HS3ST5: variants seen among roughly 807,000 people sequenced by gnomAD.
The protein encoded by HS3ST5 is heparan sulfate-glucosamine 3-sulfotransferase 5.
A neutral mutation model predicts 25.4 loss-of-function variants in HS3ST5; 10 were observed. The ratio of observed to expected loss-of-function variants is 0.39; its 90% confidence interval spans 0.24 to 0.67. The LOEUF (loss-of-function observed/expected upper bound fraction) is 0.67. Ranked by LOEUF, HS3ST5 falls within the 30% of genes least tolerant of loss-of-function variation. HS3ST5 has a pLI of 0.44. For synonymous variants in HS3ST5, 170 were observed against 162.4 expected, an observed-to-expected ratio of 1.05 and a Z score of -0.36; for missense variants, 324 against 420.7, an observed-to-expected ratio of 0.77 and a Z score of 2.01.
intron 3 of HS3ST5, among the ~76,000 whole-genome samples, chr6:114,134,429 C>T (rs532661438): frequency 6.6e-5 from 10 of 152,142 alleles, no homozygotes; most frequent in Non-Finnish European, 1.5e-4. Context: ...CTGGTTGAAA[C>T]CCCATTTTGG....
chr6:114,239,647 G>A (rs1562248906), intron 1 of HS3ST5, among the ~76,000 whole-genome samples: 4 of 152,260 alleles, frequency 2.6e-5, no homozygotes, highest in South Asian at 4.1e-4. Context: ...GTTTTCTGCA[G>A]TTGGATGCAG....
At position 114,062,808 on chromosome 6, in the gene HS3ST5, A is replaced by G; in HGVS notation, c.38T>C (p.Leu13Pro). Residue 13 changes from leucine to proline, a missense_variant, in exon 4 of 5, where the codon CTC becomes CCC. Physicochemically the swap from Leu to Pro is moderately conservative, Grantham distance 98. This residue lies in a region of HS3ST5 where 121 missense variants were observed against 117.3 expected (regional missense o/e 1.03). Transcript: ENST00000312719. Reference sequence around the variant, plus strand: ...AACGGCAAGGCTTCCCAGCACCAGGAGCTTCTGTCTCAGCCACGCCTGCTG... The same window carrying G: ...AACGGCAAGGCTTCCCAGCACCAGGGGCTTCTGTCTCAGCCACGCCTGCTG... ...FKQQAWLRQK[L>P]LVLGSLAVGS... 6.2e-7 allele frequency: 1 copy of G among 1,614,036 alleles called. No individual in the cohort carries two copies. Among genetic ancestry groups the G allele is most frequent in the Non-Finnish European group, 8.5e-7 (1 of 1,179,970 alleles).
intron 3 of HS3ST5, among the ~76,000 whole-genome samples, chr6:114,101,121 T>C (rs1299636017): frequency 6.6e-6 from 1 of 152,178 alleles, no homozygotes; most frequent in Non-Finnish European, 1.5e-5. Flanking sequence ...GTATTGGCAG[T>C]CTCGATTAAA....
chr6:114,255,116 T>C (rs1216837780), intron 1 of HS3ST5, among the ~76,000 whole-genome samples: 1 of 152,182 alleles, frequency 6.6e-6, no homozygotes, highest in East Asian at 1.9e-4. Flanking sequence ...ACCTGCTAGA[T>C]ACAGTGGGGG....
At chr6:114,187,265 T>A (rs1009408785) in intron 2 of HS3ST5, among the ~76,000 whole-genome samples, 6 of 152,360 alleles carry the variant, frequency 3.9e-5, no homozygotes, top group Admixed American at 3.9e-4. Context: ...CTGATGAATC[T>A]GGGCAAAATA....
At chr6:114,075,957 A>G (rs1582570408) in intron 3 of HS3ST5, among the ~76,000 whole-genome samples, 1 of 152,174 alleles carries the variant, frequency 6.6e-6, no homozygotes, top group East Asian at 1.9e-4. Context: ...CCTAAGAACA[A>G]TAACCATAGC....
intron 1 of HS3ST5, among the ~76,000 whole-genome samples, chr6:114,326,531 C>T (rs1212104713): frequency 6.6e-6 from 1 of 152,164 alleles, no homozygotes; most frequent in African/African-American, 2.4e-5. Context: ...AATTTATGAA[C>T]TAGCACAGTA....
chr6:114,214,107 TAA>T (rs992706622), intron 2 of HS3ST5, among the ~76,000 whole-genome samples: 2 of 152,222 alleles, frequency 1.3e-5, no homozygotes, highest in African/African-American at 4.8e-5. Context: ...CCAACTGAAG[TAA>T]AGCTTTCTTT....
chr6:114,197,511 G>A (rs1174290317), intron 2 of HS3ST5, among the ~76,000 whole-genome samples: 1 of 152,002 alleles, frequency 6.6e-6, no homozygotes, highest in East Asian at 1.9e-4. Flanking sequence ...TTCTGGGGTA[G>A]ATATGCAGGT....
At chr6:114,243,168 A>G (rs937129556) in intron 1 of HS3ST5, among the ~76,000 whole-genome samples, 1 of 152,234 alleles carries the variant, frequency 6.6e-6, no homozygotes, top group African/African-American at 2.4e-5. Context: ...ATAACTCCTC[A>G]GCCTATCCCA....
intron 4 of HS3ST5, chr6:114,058,861 C>T (rs548299187): frequency 6.6e-6 from 1 of 152,308 alleles, no homozygotes; most frequent in African/African-American, 2.4e-5. Flanking sequence ...GATTATATAT[C>T]CACTTTGCTG....
At chr6:114,186,513 G>A (rs1159593405) in intron 2 of HS3ST5, among the ~76,000 whole-genome samples, 5 of 152,140 alleles carry the variant, frequency 3.3e-5, no homozygotes, top group Admixed American at 6.5e-5. Flanking sequence ...GCTGAGAGAC[G>A]TGAAGAAGCT....
At chr6:114,341,347 AAGCGG>A (rs1440030832) in intron 1 of HS3ST5, among the ~76,000 whole-genome samples, 1 of 151,434 alleles carries the variant, frequency 6.6e-6, no homozygotes, top group Non-Finnish European at 1.5e-5. Context: ...TGAAGTAGGG[AAGCGG>A]AAGAGTAGAG....
intron 3 of HS3ST5, among the ~76,000 whole-genome samples, chr6:114,069,669 C>T (rs1431975396): frequency 1.3e-5 from 2 of 152,120 alleles, no homozygotes; most frequent in South Asian, 2.1e-4. Context: ...AGGCACACAC[C>T]GCCATGCCCA....
intron 3 of HS3ST5, among the ~76,000 whole-genome samples, chr6:114,071,386 C>T (rs1773817139): frequency 6.6e-6 from 1 of 152,146 alleles, no homozygotes; most frequent in African/African-American, 2.4e-5. Context: ...CTCTCAGATT[C>T]CTTGGGAAAG....
At chr6:114,294,441 CT>C (rs57443813) in intron 1 of HS3ST5, among the ~76,000 whole-genome samples, 4,579 of 112,850 alleles carry the variant, frequency 0.041, 29 homozygotes, top group African/African-American at 0.073. Context: ...AGGTTAGAAA[CT>C]TTTTTTTTTT....
In HS3ST5 at chr6:114,062,829, T is replaced by A; in HGVS notation, c.17A>T (p.Gln6Leu). 1 of 1,613,968 alleles carries A rather than the reference T, an allele frequency of 6.2e-7. No individual in the cohort carries two copies. The highest frequency in any genetic ancestry group is 8.5e-7 in the Non-Finnish European group (1 of 1,179,868). The change falls in exon 4 of 5, where the codon CAG (glutamine) becomes CTG (leucine). Residue 6 changes from glutamine (Q) to leucine (L), a missense_variant. By Grantham distance (113) the Gln-to-Leu change is moderately radical. Around this residue, in one of 2 missense-constraint regions of HS3ST5, gnomAD observed 121 missense variants for 117.3 expected, o/e 1.03. Transcript: ENST00000312719. ...CAGGAGCTTCTGTCTCAGCCACGCC[T>A]GCTGTTTGAATAGCATGGCCCTCCA... MLFKQ[Q>L]AWLRQKLLVL... is the part of the protein sequence containing the mutation.
At chr6:114,140,218 A>C (rs955013933) in intron 3 of HS3ST5, among the ~76,000 whole-genome samples, 5 of 152,218 alleles carry the variant, frequency 3.3e-5, no homozygotes. Flanking sequence ...TATACTGGCT[A>C]TCAATTTCAA....
intron 3 of HS3ST5, among the ~76,000 whole-genome samples, chr6:114,077,455 C>T (rs1270501125): frequency 5.9e-5 from 9 of 152,112 alleles, no homozygotes; most frequent in Admixed American, 5.9e-4. Context: ...ATTTGACCTG[C>T]TAGGGAGCTC....
Sources: allele counts gnomAD v4.1 joint callset (sites outside exome capture counted in the v4.1 genomes callset), GRCh38; gene constraint gnomAD v4.1.1; regional missense constraint gnomAD v4.1.1; transcripts MANE v1.5; gene names NCBI Gene and HGNC (gene_info 2026-07-23, HGNC 2026-07-21).